The following RPS6KC1 variants were observed in gnomAD, a reference collection of about 807,000 sequenced individuals.
The protein encoded by RPS6KC1 is ribosomal protein S6 kinase C1.
RPS6KC1 carries 54 observed loss-of-function variants against 103.8 expected under a neutral mutation model. The observed-to-expected ratio is 0.52, with a 90% CI of 0.42 to 0.65. The LOEUF (loss-of-function observed/expected upper bound fraction) is 0.65, where lower values mean the gene tolerates loss of function less well. Among genes scored for constraint, RPS6KC1 ranks in the 30% least tolerant of loss-of-function variants. The pLI, the probability that RPS6KC1 is intolerant of heterozygous loss-of-function variation, is 0.00. For synonymous variants in RPS6KC1, 439 were observed against 438.7 expected (o/e 1.00, Z -0.01); for missense variants, 1,151 against 1,253.8 (o/e 0.92, Z 1.24).
the RPS6KC1 span, among the ~76,000 whole-genome samples, chr1:213,736,989 C>G: frequency 6.6e-6 from 1 of 152,340 alleles, no homozygotes; most frequent in East Asian, 1.9e-4. Context: ...AGGATGCCAA[C>G]AGGATGGGCT....
the RPS6KC1 span, among the ~76,000 whole-genome samples, chr1:213,742,254 C>T: frequency 1.3e-5 from 2 of 152,208 alleles, no homozygotes; most frequent in Non-Finnish European, 2.9e-5. Flanking sequence ...TGGGTATAAT[C>T]GTGTATTTTG....
At chr1:213,076,451 A>C (rs1161687418) in intron 2 of RPS6KC1, among the ~76,000 whole-genome samples, 1 of 152,128 alleles carries the variant, frequency 6.6e-6, no homozygotes, top group African/African-American at 2.4e-5. Flanking sequence ...TATATGAAAA[A>C]CTTGTTAGAA....
intron 5 of RPS6KC1, among the ~76,000 whole-genome samples, chr1:213,126,212 C>G (rs888469039): frequency 1.3e-4 from 19 of 151,930 alleles, no homozygotes; most frequent in Non-Finnish European, 1.9e-4. Context: ...AGAAAAATCT[C>G]ATAAAATTTA....
the RPS6KC1 span, among the ~76,000 whole-genome samples, chr1:213,322,906 C>A: frequency 7.0e-6 from 1 of 142,682 alleles, no homozygotes; most frequent in African/African-American, 2.6e-5. Context: ...CGCCACCATG[C>A]CCAGCTTTTT....
At chr1:213,658,471 A>C in the RPS6KC1 span, among the ~76,000 whole-genome samples, 18 of 152,196 alleles carry the variant, frequency 1.2e-4, no homozygotes, top group African/African-American at 4.3e-4. Context: ...TAAAACTCCA[A>C]GTGCTTGCTG....
the RPS6KC1 span, among the ~76,000 whole-genome samples, chr1:213,627,895 G>T: frequency 3.9e-5 from 6 of 152,008 alleles, no homozygotes; most frequent in Non-Finnish European, 7.4e-5. Flanking sequence ...TTTTTTTGTT[G>T]CATCTCTGCC....
chr1:213,066,109 T>C (rs2078305401), intron 1 of RPS6KC1, among the ~76,000 whole-genome samples: 1 of 152,114 alleles, frequency 6.6e-6, no homozygotes, highest in African/African-American at 2.4e-5. Context: ...ATGTACAGAG[T>C]CAAATTTTCC....
At chr1:213,380,448 A>T in the RPS6KC1 span, among the ~76,000 whole-genome samples, 2 of 152,180 alleles carry the variant, frequency 1.3e-5, no homozygotes, top group Non-Finnish European at 2.9e-5. Flanking sequence ...TACCTGTGTA[A>T]CAAACCTGCA....
chr1:213,741,682 T>C, the RPS6KC1 span, among the ~76,000 whole-genome samples: 2 of 152,136 alleles, frequency 1.3e-5, no homozygotes, highest in African/African-American at 4.8e-5. Context: ...CTTATTGGTT[T>C]TCAACTTTTA....
the RPS6KC1 span, among the ~76,000 whole-genome samples, chr1:213,494,655 G>C: frequency 6.6e-6 from 1 of 151,988 alleles, no homozygotes; most frequent in Non-Finnish European, 1.5e-5. Flanking sequence ...GAAAATGATC[G>C]AAGTGGATAA....
the RPS6KC1 span, among the ~76,000 whole-genome samples, chr1:213,647,497 G>C: frequency 2.8e-3 from 423 of 152,256 alleles, 1 homozygote; most frequent in African/African-American, 9.6e-3. Context: ...GTTGAGACCT[G>C]GGTACCGATT....
At chr1:213,140,836 G>C (rs2086931426) in intron 6 of RPS6KC1, among the ~76,000 whole-genome samples, 1 of 135,914 alleles carries the variant, frequency 7.4e-6, no homozygotes, top group Admixed American at 7.7e-5. Flanking sequence ...GAATGAGGGA[G>C]GAATCCCTTG....
At chr1:213,239,828 A>G (rs148644870) in intron 10 of RPS6KC1, among the ~76,000 whole-genome samples, 1 of 152,286 alleles carries the variant, frequency 6.6e-6, no homozygotes, top group Non-Finnish European at 1.5e-5. Flanking sequence ...TCTAATCACT[A>G]CTGTTATAGC....
At chr1:213,226,274 A>G (rs1412377884) in intron 8 of RPS6KC1, among the ~76,000 whole-genome samples, 1 of 152,034 alleles carries the variant, frequency 6.6e-6, no homozygotes, top group African/African-American at 2.4e-5. Context: ...GACTTAAGGA[A>G]CACTAAATGT....
chr1:213,075,654 C>T (rs1264997761), intron 2 of RPS6KC1, among the ~76,000 whole-genome samples: 1 of 152,210 alleles, frequency 6.6e-6, no homozygotes, highest in Non-Finnish European at 1.5e-5. Context: ...CAGGGCATGG[C>T]ACCACCATTC....
At chr1:213,725,046 A>C in the RPS6KC1 span, among the ~76,000 whole-genome samples, 2 of 152,162 alleles carry the variant, frequency 1.3e-5, no homozygotes, top group African/African-American at 4.8e-5. Flanking sequence ...GTTGATGTTC[A>C]TTGACTTTCT....
chr1:213,403,356 G>A, the RPS6KC1 span, among the ~76,000 whole-genome samples: 1 of 152,028 alleles, frequency 6.6e-6, no homozygotes, highest in Non-Finnish European at 1.5e-5. Context: ...TCCCCGAGGG[G>A]TGCCCTCAGG....
At chr1:213,186,121 T>C (rs2092519126) in intron 8 of RPS6KC1, among the ~76,000 whole-genome samples, 1 of 151,982 alleles carries the variant, frequency 6.6e-6, no homozygotes, top group South Asian at 2.1e-4. Flanking sequence ...AATCAGTGGA[T>C]TTTGCATCAC....
the RPS6KC1 span, among the ~76,000 whole-genome samples, chr1:213,765,959 C>A: frequency 9.2e-5 from 14 of 152,184 alleles, no homozygotes; most frequent in Non-Finnish European, 1.3e-4. Flanking sequence ...AGCTTGATCT[C>A]TACCTGTGGA....
Sources: gnomAD v4.1 joint callset for allele counts (sites outside exome capture counted in the v4.1 genomes callset) on GRCh38, gnomAD v4.1.1 for gene constraint, MANE v1.5 for transcripts, NCBI Gene and HGNC (gene_info 2026-07-23, HGNC 2026-07-21) for gene names.